Variants in STRIP1 observed in about 807,000 individuals in gnomAD.
STRIP1 encodes the protein striatin-interacting protein 1.
A neutral mutation model predicts 106.2 loss-of-function variants in STRIP1; 63 were observed. That is an observed-to-expected ratio of 0.59 (90% CI 0.48 to 0.73). The LOEUF is 0.73. STRIP1 is among the 30% of genes least tolerant of loss of function. The pLI is 0.00. For synonymous variants in STRIP1, 390 were observed against 413.0 expected (o/e 0.94, Z 0.67); for missense variants, 857 against 1,074.8 (o/e 0.80, Z 2.83).
At position 110,049,458 on chromosome 1, in the gene STRIP1, AGTTT is replaced by A; in HGVS notation, c.1789_1792del (p.Phe597AsnfsTer15). 6.5e-7 allele frequency: 1 copy of A among 1,535,366 alleles called. No homozygotes were observed. Among genetic ancestry groups the A allele is most frequent in the Non-Finnish European group, 8.8e-7 (1 of 1,139,452 alleles). The stretch of plus-strand genomic sequence containing the variant: ...TTTTTTTTTTTTTCCTGTTGGCTTC[AGTTT>A]GAATACATGGCCCAGCACCTGGTGT... On this transcript the variant is annotated splice_acceptor_variant and coding_sequence_variant, in exon 17 of 21. Transcript: ENST00000369795. LOFTEE classifies it high-confidence loss of function.
chr1:110,053,856 TG>T lies in STRIP1; in HGVS notation c.2460del (p.Trp820CysfsTer2), dbSNP rs1276200823. 6.2e-7 allele frequency: 1 copy of T among 1,614,000 alleles called. No homozygotes were observed. The highest frequency in any genetic ancestry group is 8.5e-7 in the Non-Finnish European group (1 of 1,180,012). The stretch of plus-strand genomic sequence containing the variant: ...GGACTTTCAGATGAACTATGACCTC[TG>T]GTTAGAAAGGGAGGTCTTCTCCAAG... ...PEDFQMNYDLWLEREVFSKPI... is the reference protein window; with the variant it reads ...PEDFQMNYDLXLEREVFSKPI... On this transcript the variant is annotated frameshift_variant, in exon 21 of 21. Coordinates refer to ENST00000369795, the MANE Select transcript of STRIP1 (RefSeq NM_033088.4). LOFTEE classifies it high-confidence loss of function.
chr1:110,045,009 C>T lies in STRIP1; in HGVS notation c.1353-6C>T. The T allele has an allele frequency of 6.2e-7, 1 of 1,614,112 alleles. No individual in the cohort carries two copies. Among genetic ancestry groups the T allele is most frequent in the Non-Finnish European group, 8.5e-7 (1 of 1,180,000 alleles). The stretch of plus-strand genomic sequence containing the variant: ...GGCTCAACACAGGGCCTTCTTTATT[C>T]TCCAGTGACACGAACACAGTGGTGG... On this transcript the variant is annotated splice_region_variant and splice_polypyrimidine_tract_variant and intron_variant, in intron 11 of 20. Coordinates refer to ENST00000369795, the MANE Select transcript of STRIP1 (RefSeq NM_033088.4).
chr1:110,036,551 G>C (rs921757599), intron 1 of STRIP1, among the ~76,000 whole-genome samples: 8 of 152,210 alleles, frequency 5.3e-5, no homozygotes, highest in Non-Finnish European at 1.0e-4. Context: ...TTTCTTTATA[G>C]AGAGTCTGAT....
At position 110,038,764 on chromosome 1, in the gene STRIP1, T is replaced by C. The variant is rs759003429; in HGVS notation, c.325+7T>C. 2 of 1,613,194 alleles carry C rather than the reference T, an allele frequency of 1.2e-6. No individual in the cohort carries two copies. The highest frequency in any genetic ancestry group is 1.7e-6 in the Non-Finnish European group (2 of 1,179,164). ...GAGGACTTCCGGATCCATGGTGAGA[T>C]GATTTCCCACACTTCTTGCTTCCTT... On this transcript the variant is annotated splice_region_variant and intron_variant, in intron 3 of 20. Coordinates refer to ENST00000369795, the MANE Select transcript of STRIP1 (RefSeq NM_033088.4).
chr1:110,038,835 G>A, intron 3 of STRIP1, 78 bp downstream of exon 3: 2 of 1,322,826 alleles, frequency 1.5e-6, no homozygotes, highest in Non-Finnish European at 2.2e-6. Flanking sequence ...GCATCTGAAT[G>A]ACCTGAGTCA....
chr1:110,034,690 C>T lies in STRIP1; in HGVS notation c.53C>T (p.Pro18Leu). 5 of 1,517,032 alleles carry T rather than the reference C, an allele frequency of 3.3e-6. No individual in the cohort carries two copies. The highest frequency in any genetic ancestry group is 4.4e-6 in the Non-Finnish European group (5 of 1,134,366). 94.0% of individuals were successfully genotyped at this position (1,517,032 alleles called of 1,614,324 possible). A position where few individuals can be genotyped will look rare whatever the true frequency, so the allele number is the denominator to read the frequency against. The change falls in exon 1 of 21, where the codon CCC becomes CTC. Residue 18 changes from proline (P) to leucine (L), a missense_variant. Around this residue, in one of 2 missense-constraint regions of STRIP1, gnomAD observed 107 missense variants for 85.1 expected, o/e 1.26. Transcript: ENST00000369795. ...CCACTGATCGTGAACAACAAACAGCCCCAGCCCCCGCCACCTCCGCCGCCG... is the reference window on the plus strand; with the variant it reads ...CCACTGATCGTGAACAACAAACAGCTCCAGCCCCCGCCACCTCCGCCGCCG... ...PGPLIVNNKQ[P>L]QPPPPPPPAA...
In STRIP1 at chr1:110,051,663, T is replaced by G. The variant is rs181150183; in HGVS notation, c.2062-20T>G. ...TATTTTTGTCTTCAACTTGGGCTGC[T>G]TGCTTGTTTCCCTTCCCAGATGCTG... is the stretch of plus-strand genomic sequence containing the variant. On this transcript the variant is annotated intron_variant, in intron 19 of 20. Coordinates refer to ENST00000369795, the MANE Select transcript of STRIP1 (RefSeq NM_033088.4). 593 of 1,581,732 alleles carry G rather than the reference T, an allele frequency of 3.7e-4. 4 individuals carry two copies. The East Asian group carries it at 0.013, about 34-fold the overall frequency.
In STRIP1 at chr1:110,040,615, ACT is replaced by A. The variant is rs1321734615; in HGVS notation, c.582-16_582-15del. 28 of 1,604,610 alleles carry A rather than the reference ACT, an allele frequency of 1.7e-5. No individual in the cohort carries two copies. The highest frequency in any genetic ancestry group is 2.2e-5 in the Non-Finnish European group (26 of 1,175,624). ...TCTTCCTTCTTGGAGGAAGATGCTG[ACT>A]CTCAAAATCTCCTGCAGCAACAGTG... On this transcript the variant is annotated intron_variant, in intron 5 of 20. Coordinates refer to ENST00000369795, the MANE Select transcript of STRIP1 (RefSeq NM_033088.4).
In STRIP1 at chr1:110,044,233, C is replaced by T. The variant is rs147732608; in HGVS notation, c.1286+377C>T. Among the ~76,000 whole-genome samples the T allele has an allele frequency of 5.4e-3, 827 of 152,254 alleles. 25 individuals carry two copies. Among genetic ancestry groups the T allele is most frequent in the East Asian group, 0.049 (252 of 5,184 alleles). ...AGATTAAGGAAGAGTTTCTTTAGAG[C>T]CATAATGAAAATGTTTGAGATATAT... On this transcript the variant is annotated intron_variant, in intron 10 of 20. Coordinates refer to ENST00000369795, the MANE Select transcript of STRIP1 (RefSeq NM_033088.4).
At chr1:110,048,291 C>T (rs755565185) in intron 15 of STRIP1, 6 of 202,438 alleles carry the variant, frequency 3.0e-5, no homozygotes, top group South Asian at 9.4e-5. Context: ...TGATTGGGCA[C>T]GCAGAATGCT....
In STRIP1 at chr1:110,047,841, C is replaced by T; in HGVS notation, c.1633C>T (p.Leu545=). ...AGCCAAAACAGACTCAATCAACATC[C>T]TAGCGGACGTCTTGCCTGAGGAGAT... ...SKAKTDSINI[L]ADVLPEEMPT... Residue 545 remains leucine, a synonymous_variant, in exon 15 of 21, where the codon CTA becomes TTA. Coordinates refer to ENST00000369795, the MANE Select transcript of STRIP1 (RefSeq NM_033088.4). 1 of 1,564,480 alleles carries T rather than the reference C, an allele frequency of 6.4e-7. No individual in the cohort carries two copies. Among genetic ancestry groups the T allele is most frequent in the East Asian group, 2.3e-5 (1 of 42,612 alleles).
intron 1 of STRIP1, 21 bp from the exon 2 acceptor site, chr1:110,037,870 G>A (rs770937393): frequency 7.6e-6 from 12 of 1,573,126 alleles, no homozygotes; most frequent in Non-Finnish European, 1.0e-5. Context: ...TTTTCCTAAA[G>A]CTCTCTCCTC....
At position 110,044,838 on chromosome 1, in the gene STRIP1, A is replaced by C. The variant is rs771909468; in HGVS notation, c.1287-2A>C. 1.2e-6 allele frequency: 2 copies of C among 1,613,974 alleles called. No individual in the cohort carries two copies. The highest frequency in any genetic ancestry group is 3.3e-5 in the Admixed American group (2 of 59,998). ...TTTCTCTCTTTTTTGGTGATGTGGC[A>C]GAGAGAAAGACATTGAGATGTTCCT... On this transcript the variant is annotated splice_acceptor_variant, in intron 10 of 20. Transcript: ENST00000369795. LOFTEE classifies it high-confidence loss of function.
At chr1:110,048,281 T>C in intron 15 of STRIP1, 1 of 207,408 alleles carries the variant, frequency 4.8e-6, no homozygotes, top group East Asian at 1.1e-4. Context: ...TTTTCGCCAG[T>C]GATTGGGCAC....
rs747585120 is a variant in STRIP1 at position 110,051,719 on chromosome 1, C to T, written c.2098C>T (p.Arg700Trp). Reference sequence around the variant, plus strand: ...GTTCAAGTCAGCCCCCATCTTGAAGCGGGCCCTAAAGGTGAAACAAGCCAT... The same window carrying T: ...GTTCAAGTCAGCCCCCATCTTGAAGTGGGCCCTAAAGGTGAAACAAGCCAT... ...VVFKSAPILK[R>W]ALKVKQAMMQ... The change falls in exon 20 of 21, where the codon CGG (arginine) becomes TGG (tryptophan). Residue 700 changes from arginine to tryptophan, a missense_variant. Arg to Trp is a moderately radical substitution (Grantham distance 101). Around this residue, in one of 2 missense-constraint regions of STRIP1, gnomAD observed 750 missense variants for 989.8 expected, o/e 0.76. Transcript: ENST00000369795. 5 of 1,611,476 alleles carry T rather than the reference C, an allele frequency of 3.1e-6. No individual in the cohort carries two copies. The highest frequency in any genetic ancestry group is 1.1e-5 in the South Asian group (1 of 90,620).
chr1:110,039,453 C>G lies in STRIP1; in HGVS notation c.519C>G (p.Ile173Met), dbSNP rs762730931. The part of the protein sequence containing the change: ...AEVQSWMRYN[I>M]FLLLEVGTFN... ...TGCAGTCCTGGATGCGCTACAACAT[C>G]TTTCTCCTCCTGGAGGTGGGCACGT... Residue 173 changes from isoleucine to methionine, a missense_variant, in exon 5 of 21, where the codon ATC (isoleucine) becomes ATG (methionine). Physicochemically the swap from Ile to Met is conservative, Grantham distance 10. Coordinates refer to ENST00000369795, the MANE Select transcript of STRIP1 (RefSeq NM_033088.4). 1.5e-5 allele frequency: 25 copies of G among 1,613,162 alleles called. 1 individual carries two copies. The highest frequency in any genetic ancestry group is 2.1e-5 in the Non-Finnish European group (25 of 1,179,696).
Position 110,050,293 on chromosome 1 carries a change from G to A in STRIP1, c.1890-50G>A, listed in dbSNP as rs936265748. ...GGCTCAGGCACGGCTGCTCCACCAGGCCCTGGGCCTTTGCTCATGGTGGGC... is the reference window on the plus strand; with the variant it reads ...GGCTCAGGCACGGCTGCTCCACCAGACCCTGGGCCTTTGCTCATGGTGGGC... On this transcript the variant is annotated intron_variant, in intron 17 of 20. Transcript: ENST00000369795. 2.5e-6 allele frequency: 4 copies of A among 1,588,498 alleles called. No individual in the cohort carries two copies. The African/African-American group carries it at 5.4e-5, about 21-fold the overall frequency.
chr1:110,041,840 G>T lies in STRIP1; in HGVS notation c.864G>T (p.Leu288Phe). Residue 288 changes from leucine (L) to phenylalanine (F), a missense_variant, in exon 8 of 21, where the codon TTG (leucine) becomes TTT (phenylalanine). By Grantham distance (22) the Leu-to-Phe change is conservative. This residue lies in a region of STRIP1 where 750 missense variants were observed against 989.8 expected (regional missense o/e 0.76). Coordinates refer to ENST00000369795, the MANE Select transcript of STRIP1 (RefSeq NM_033088.4). ...ACTTTCCCATGAAGAAAGTTCTCTTGCTGCTCTGGAAGACAGTATTGGTGA... is the reference window on the plus strand; with the variant it reads ...ACTTTCCCATGAAGAAAGTTCTCTTTCTGCTCTGGAAGACAGTATTGGTGA... Reference protein sequence around the residue: ...APHFPMKKVLLLLWKTVLCTL... With the variant: ...APHFPMKKVLFLLWKTVLCTL... The T allele has an allele frequency of 6.2e-7, 1 of 1,614,180 alleles. No individual in the cohort carries two copies. Among genetic ancestry groups the T allele is most frequent in the South Asian group, 1.1e-5 (1 of 91,086 alleles).
At chr1:110,042,097 G>C (rs546721640) in intron 8 of STRIP1, among the ~76,000 whole-genome samples, 1 of 152,182 alleles carries the variant, frequency 6.6e-6, no homozygotes, top group Non-Finnish European at 1.5e-5. Context: ...GACCCCGGAA[G>C]CTGTTTTCTG....
Sources: gnomAD v4.1 joint callset for allele counts (sites outside exome capture counted in the v4.1 genomes callset) on GRCh38, gnomAD v4.1.1 for gene constraint, gnomAD v4.1.1 regional missense constraint, MANE v1.5 for transcripts, NCBI Gene and HGNC (gene_info 2026-07-23, HGNC 2026-07-21) for gene names.